TPTE2: variants seen among roughly 807,000 people sequenced by gnomAD.
The protein encoded by TPTE2 is transmembrane phosphoinositide 3-phosphatase and tensin homolog 2.
Under a neutral mutation model 78.6 loss-of-function variants are expected in TPTE2, and 53 were observed. The ratio of observed to expected loss-of-function variants is 0.67; its 90% CI spans 0.54 to 0.85. The LOEUF is 0.85. Ranked by LOEUF, TPTE2 falls within the 40% of genes least tolerant of loss-of-function variation. The pLI is 0.00. For missense variants in TPTE2, 461 were observed against 623.0 expected (o/e 0.74, Z 2.77); for synonymous variants, 175 against 206.2 (o/e 0.85, Z 1.30).
chr13:19,465,760 G>A (rs1328605319), intron 7 of TPTE2, among the ~76,000 whole-genome samples, 196 bp from the exon 11 acceptor site: 2 of 152,116 alleles, frequency 1.3e-5, no homozygotes, highest in African/African-American at 4.8e-5. Flanking sequence ...GTTTGTGTCT[G>A]TGTGTTACTT....
intron 1 of TPTE2, among the ~76,000 whole-genome samples, chr13:19,496,932 G>C (rs4592508): frequency 0.72 from 105,840 of 147,482 alleles, 40,529 homozygotes; most frequent in East Asian, 0.94. Context: ...GCGCAGGTCA[G>C]TGGGTGCGCG....
intron 1 of TPTE2, among the ~76,000 whole-genome samples, chr13:19,514,815 C>A (rs1488879640): frequency 1.3e-5 from 2 of 152,046 alleles, no homozygotes; most frequent in Non-Finnish European, 1.5e-5. Flanking sequence ...TATGTGTTTA[C>A]AATGATTTTG....
intron 14 of TPTE2, 151 bp from the exon 18 acceptor site, chr13:19,436,457 G>A: frequency 1.4e-6 from 1 of 690,188 alleles, no homozygotes; most frequent in South Asian, 2.0e-5. Flanking sequence ...CTGCAACCCA[G>A]ACTGGAGTAC....
upstream of TPTE2, chr13:19,505,817 A>G (rs571503240): frequency 6.6e-6 from 1 of 152,170 alleles, no homozygotes; most frequent in South Asian, 2.1e-4. Context: ...GGAGAGTCTC[A>G]TAAATGGAAA....
intron 1 of TPTE2, among the ~76,000 whole-genome samples, chr13:19,518,820 C>G (rs1869963573): frequency 6.6e-6 from 1 of 152,092 alleles, no homozygotes; most frequent in Admixed American, 6.6e-5. Context: ...TTAGATCTGT[C>G]CAAGAATAGA....
chr13:19,534,935 G>T (rs1871112126), intron 1 of TPTE2, among the ~76,000 whole-genome samples: 2 of 152,144 alleles, frequency 1.3e-5, no homozygotes, highest in South Asian at 2.1e-4. Context: ...GGGCACGGTG[G>T]CTCATGCCTG....
chr13:19,543,008 A>G, the TPTE2 span, among the ~76,000 whole-genome samples: 20 of 151,752 alleles, frequency 1.3e-4, no homozygotes, highest in African/African-American at 4.8e-4. Context: ...CTTTTCTCGT[A>G]TCTTAGGATT....
chr13:19,445,599 T>C (rs975993429), intron 13 of TPTE2, among the ~76,000 whole-genome samples: 23 of 152,298 alleles, frequency 1.5e-4, no homozygotes, highest in Middle Eastern at 3.4e-3. Context: ...AGGTATACAC[T>C]CAACAAAAAT....
chr13:19,477,829 G>A (rs1459865922), intron 4 of TPTE2, among the ~76,000 whole-genome samples: 3 of 152,216 alleles, frequency 2.0e-5, no homozygotes, highest in Non-Finnish European at 4.4e-5. Context: ...GTTATGTGCA[G>A]AGTTTGCAGG....
chr13:19,456,194 G>T (rs1357994616), intron 10 of TPTE2, among the ~76,000 whole-genome samples: 1 of 152,192 alleles, frequency 6.6e-6, no homozygotes, highest in African/African-American at 2.4e-5. Flanking sequence ...CAACATACAA[G>T]GCCAGGTGTG....
intron 4 of TPTE2, among the ~76,000 whole-genome samples, chr13:19,480,447 G>C (rs1880276482): frequency 6.6e-6 from 1 of 152,136 alleles, no homozygotes; most frequent in Non-Finnish European, 1.5e-5. Context: ...AGAAATTTTG[G>C]TGAATATATT....
chr13:19,530,982 T>C (rs897066391), intron 1 of TPTE2, among the ~76,000 whole-genome samples: 1 of 152,144 alleles, frequency 6.6e-6, no homozygotes, highest in African/African-American at 2.4e-5. Context: ...AAACAGAAAG[T>C]CTATACCCAT....
At chr13:19,540,281 A>ATTATTG (rs1374252554), upstream of TPTE2, among the ~76,000 whole-genome samples, 3 of 9,208 alleles carry the variant, frequency 3.3e-4, no homozygotes, top group East Asian at 0.11. Context: ...ATTAAATCTC[A>ATTATTG]TTATTATTAT....
At chr13:19,457,700 TC>T (rs1184966711) in intron 10 of TPTE2, among the ~76,000 whole-genome samples, 1 of 152,250 alleles carries the variant, frequency 6.6e-6, no homozygotes, top group African/African-American at 2.4e-5. Context: ...AAGGATGTAA[TC>T]TTGTTCCTTT....
rs373060672 is a variant in TPTE2, at chr13:19,443,737, T to TACACACACAC, written c.974-5594_974-5585dup. On this transcript the variant is annotated intron_variant, in intron 13 of 19. Transcript: ENST00000400230. Reference sequence around the variant, plus strand: ...TTCTTAATCGATAAATGGTAGCTAATACACACACACACACACACACACACA... The same window carrying TACACACACAC: ...TTCTTAATCGATAAATGGTAGCTAATACACACACACACACACACACACACACACACACACA... Among the ~76,000 whole-genome samples the TACACACACAC allele has an allele frequency of 4.6e-5, 6 of 129,774 alleles. 1 individual carries two copies. The highest frequency in any genetic ancestry group is 9.6e-5 in the Non-Finnish European group (6 of 62,296). The allele number at this position is 129,774 out of a possible 152,430, so 85.1% of individuals were successfully genotyped here. A position where few individuals can be genotyped will look rare whatever the true frequency, so the allele number is the denominator to read the frequency against.
chr13:19,483,327 C>G (rs1358543252), intron 3 of TPTE2, among the ~76,000 whole-genome samples: 1 of 152,174 alleles, frequency 6.6e-6, no homozygotes, highest in African/African-American at 2.4e-5. Flanking sequence ...CTGATTCAAT[C>G]TCATTACTTG....
Position 19,486,538 on chromosome 13 carries a change from G to T in TPTE2, c.120-3991C>A, listed in dbSNP as rs533895297. Among the ~76,000 whole-genome samples the T allele has an allele frequency of 1.1e-4, 17 of 152,182 alleles. No individual in the cohort carries two copies. Among genetic ancestry groups the T allele is most frequent in the African/African-American group, 1.9e-4 (8 of 41,442 alleles). On this transcript the variant is annotated intron_variant, in intron 3 of 19. Transcript: ENST00000400230. This position sits in a 1 kb window ranked among gnomAD's most constrained non-coding sequence, Gnocchi z 4.3. The stretch of plus-strand genomic sequence containing the variant: ...TGTGCTTTGCAGGACAGTTTCTCAG[G>T]CCCAGGACGCAGGCACACAGCTGTT...
chr13:19,561,084 C>A, the TPTE2 span: 6 of 1,574,748 alleles, frequency 3.8e-6, no homozygotes, highest in Admixed American at 8.6e-5. Flanking sequence ...CCAGGCCCAG[C>A]CCCCTCCCCA....
chr13:19,431,333 C>A (rs931540455), intron 16 of TPTE2, among the ~76,000 whole-genome samples: 3 of 151,942 alleles, frequency 2.0e-5, no homozygotes, highest in African/African-American at 7.3e-5. Flanking sequence ...CCAAAAATTC[C>A]TGTGGTGTTC....
Sources: allele counts gnomAD v4.1 joint callset (sites outside exome capture counted in the v4.1 genomes callset), GRCh38; gene constraint gnomAD v4.1.1; non-coding constraint Gnocchi (gnomAD v3.1); transcripts MANE v1.5; gene names NCBI Gene and HGNC (gene_info 2026-07-23, HGNC 2026-07-21).